The following PLOD2 variants were observed in gnomAD, a reference collection of about 807,000 sequenced individuals.
PLOD2 encodes the protein lysine hydroxylase 2.
In PLOD2, 65 loss-of-function variants were observed where a neutral mutation model predicts 101.0. The observed-to-expected ratio is 0.64, with a 90% CI of 0.53 to 0.79. The LOEUF (loss-of-function observed/expected upper bound fraction) is 0.79, where lower values mean the gene tolerates loss of function less well. PLOD2 is among the 30% of genes least tolerant of loss of function. The pLI is 0.00. For synonymous variants in PLOD2, 314 were observed against 302.9 expected (o/e 1.04, Z -0.38); for missense variants, 909 against 914.6 (o/e 0.99, Z 0.08).
Position 146,161,044 on chromosome 3 carries a change from G to T in PLOD2, c.-55C>A. 7.9e-6 allele frequency: 10 copies of T among 1,270,372 alleles called. No individual in the cohort carries two copies. Among genetic ancestry groups the T allele is most frequent in the Non-Finnish European group, 1.1e-5 (10 of 895,778 alleles). 78.7% of individuals were successfully genotyped at this position (1,270,372 alleles called of 1,614,324 possible). On this transcript the variant is annotated 5_prime_UTR_variant, in exon 1 of 20. Transcript: ENST00000282903. The stretch of plus-strand genomic sequence containing the variant: ...GGCGCCCACGGCCCCGCAGCGCCGC[G>T]CTTCTCGCGAGAACGCAGAGACCCG...
intron 3 of PLOD2, 31 bp from the exon 4 acceptor site, chr3:146,110,479 A>T: frequency 6.4e-7 from 1 of 1,574,192 alleles, no homozygotes. Flanking sequence ...GTGTTTTAAA[A>T]TACACTTGTC....
At chr3:146,135,698 A>G (rs1045985556) in intron 1 of PLOD2, among the ~76,000 whole-genome samples, 2 of 152,184 alleles carry the variant, frequency 1.3e-5, no homozygotes, top group African/African-American at 4.8e-5. Flanking sequence ...GAGATATTTT[A>G]ATGCATGCAC....
At chr3:146,084,316 G>A (rs2108015930) in intron 11 of PLOD2, among the ~76,000 whole-genome samples, 1 of 151,982 alleles carries the variant, frequency 6.6e-6, no homozygotes, top group African/African-American at 2.4e-5. Context: ...CTACAGAGAG[G>A]TCTTAGATTT....
intron 1 of PLOD2, among the ~76,000 whole-genome samples, chr3:146,144,226 T>C (rs2031662885): frequency 1.3e-5 from 2 of 152,158 alleles, no homozygotes; most frequent in South Asian, 4.1e-4. Flanking sequence ...CACTAGAATG[T>C]ACACACCACT....
chr3:146,081,888 A>T (rs199561183), intron 11 of PLOD2, 25 bp from the exon 12 acceptor site: 129 of 1,598,322 alleles, frequency 8.1e-5, no homozygotes, highest in East Asian at 3.8e-4. Flanking sequence ...AGTGTGTGTG[A>T]GAGAGAGAAA....
chr3:146,149,318 G>C (rs919588045), intron 1 of PLOD2, among the ~76,000 whole-genome samples: 8 of 152,060 alleles, frequency 5.3e-5, no homozygotes, highest in Non-Finnish European at 1.5e-5. Flanking sequence ...AAAAATTCAT[G>C]TCTTGCATCA....
In PLOD2 at chr3:146,070,806, T is replaced by C; in HGVS notation, c.2188A>G (p.Met730Val). The change falls in exon 20 of 20, where the codon ATG becomes GTG. Residue 730 changes from methionine (M) to valine (V), a missense_variant. Transcript: ENST00000282903. ...IESPRKGWSF[M>V]HPGRLTHLHE... ...AAATGTGTGAGTCTCCCAGGATGCA[T>C]GAAGCTCCAGCCTTTTCGTGGTGAC... 6.2e-7 allele frequency: 1 copy of C among 1,610,372 alleles called. No homozygotes were observed. Among genetic ancestry groups the C allele is most frequent in the East Asian group, 2.2e-5 (1 of 44,784 alleles).
At chr3:146,125,713 C>T (rs1224343683) in intron 1 of PLOD2, among the ~76,000 whole-genome samples, 4 of 152,054 alleles carry the variant, frequency 2.6e-5, no homozygotes, top group African/African-American at 9.7e-5. Flanking sequence ...CACGGCTGCA[C>T]TCCAGCCTAG....
intron 7 of PLOD2, among the ~76,000 whole-genome samples, chr3:146,101,873 T>C (rs1218990691): frequency 1.3e-5 from 2 of 152,194 alleles, no homozygotes; most frequent in African/African-American, 2.4e-5. Context: ...GTAGGAAGGC[T>C]GGAATGGGAT....
intron 1 of PLOD2, among the ~76,000 whole-genome samples, chr3:146,127,168 T>C (rs2030616017): frequency 6.6e-6 from 1 of 152,174 alleles, no homozygotes; most frequent in African/African-American, 2.4e-5. Context: ...GTTCTTTTTA[T>C]TATTTATTTA....
Position 146,071,033 on chromosome 3 carries a change from C to T in PLOD2, c.2121+9G>A. On this transcript the variant is annotated intron_variant, in intron 19 of 19. Coordinates refer to ENST00000282903, the MANE Select transcript of PLOD2 (RefSeq NM_182943.3). ...TTGAAAAATCTAAAAACACAAGAGT[C>T]ATAATTACCTGAAAGTCTTCTCCCA... 1 of 1,601,764 alleles carries T rather than the reference C, an allele frequency of 6.2e-7. No individual in the cohort carries two copies. The highest frequency in any genetic ancestry group is 8.5e-7 in the Non-Finnish European group (1 of 1,170,106).
intron 2 of PLOD2, among the ~76,000 whole-genome samples, chr3:146,122,663 G>GGA (rs2030250865): frequency 1.3e-5 from 2 of 152,110 alleles, no homozygotes; most frequent in Non-Finnish European, 2.9e-5. Flanking sequence ...CATTACATGA[G>GGA]GAGAGAGCAA....
intron 1 of PLOD2, among the ~76,000 whole-genome samples, chr3:146,136,750 G>C (rs76540933): frequency 7.9e-5 from 12 of 152,112 alleles, no homozygotes; most frequent in African/African-American, 2.7e-4. Flanking sequence ...CTAAATATTC[G>C]GTACAGTAAC....
intron 1 of PLOD2, among the ~76,000 whole-genome samples, chr3:146,135,346 T>C (rs1031183300): frequency 2.0e-5 from 3 of 152,182 alleles, no homozygotes; most frequent in Non-Finnish European, 4.4e-5. Context: ...AATTAAATGA[T>C]GATTTGATGA....
At chr3:146,134,803 G>A (rs1460028484) in intron 1 of PLOD2, among the ~76,000 whole-genome samples, 1 of 152,222 alleles carries the variant, frequency 6.6e-6, no homozygotes, top group Non-Finnish European at 1.5e-5. Context: ...TTAGGCTTAT[G>A]CTTAGGCAAG....
intron 1 of PLOD2, among the ~76,000 whole-genome samples, chr3:146,126,591 C>T (rs1296008155): frequency 6.6e-6 from 1 of 151,864 alleles, no homozygotes; most frequent in Non-Finnish European, 1.5e-5. Flanking sequence ...TTCTATAGGA[C>T]AAATGATTTA....
At chr3:146,110,952 TTAAAA>T (rs1937619602) in intron 3 of PLOD2, among the ~76,000 whole-genome samples, 1 of 152,236 alleles carries the variant, frequency 6.6e-6, no homozygotes, top group African/African-American at 2.4e-5. Context: ...GCATGGAATC[TTAAAA>T]TAAGTGCGTT....
intron 7 of PLOD2, among the ~76,000 whole-genome samples, chr3:146,092,488 C>T (rs1937008525): frequency 6.6e-6 from 1 of 152,026 alleles, no homozygotes; most frequent in Non-Finnish European, 1.5e-5. Flanking sequence ...GAAAAGAGAG[C>T]TTGCAGATCA....
intron 7 of PLOD2, among the ~76,000 whole-genome samples, chr3:146,092,940 C>T (rs944214923): frequency 6.6e-6 from 1 of 151,982 alleles, no homozygotes; most frequent in East Asian, 1.9e-4. Flanking sequence ...TTGCCTCATG[C>T]TATTTAAAAG....
Sources: allele counts gnomAD v4.1 joint callset (sites outside exome capture counted in the v4.1 genomes callset), GRCh38; gene constraint gnomAD v4.1.1; transcripts MANE v1.5; gene names NCBI Gene and HGNC (gene_info 2026-07-23, HGNC 2026-07-21).